Variants in SUGP2 observed in about 807,000 individuals in gnomAD.
SUGP2 encodes SURP and G-patch domain-containing protein 2.
SUGP2 carries 24 observed loss-of-function variants against 90.5 expected under a neutral mutation model. The ratio of observed to expected loss-of-function variants is 0.27; its 90% CI spans 0.19 to 0.37. The LOEUF (loss-of-function observed/expected upper bound fraction) is 0.37, where lower values mean the gene tolerates loss of function less well. SUGP2 is among the 10% of genes least tolerant of loss of function. SUGP2 has a pLI of 1.00. For synonymous variants in SUGP2, 473 were observed against 513.4 expected (o/e 0.92, Z 1.06); for missense variants, 1,233 against 1,363.3 (o/e 0.90, Z 1.51).
chr19:19,002,520 T>TTTTTTTTTTGTTTG (rs2057882444), intron 7 of SUGP2, among the ~76,000 whole-genome samples: 1 of 142,330 alleles, frequency 7.0e-6, no homozygotes, highest in Non-Finnish European at 1.5e-5. Flanking sequence ...TTTTTTTTTT[T>TTTTTTTTTTGTTTG]TTTTTTTTTT....
At position 19,026,153 on chromosome 19, in the gene SUGP2, G is replaced by C. The variant is rs976773409; in HGVS notation, c.195C>G (p.Leu65=). The part of the protein sequence containing the change: ...DDVHSDGRYS[L]SGSVAHSRDA... ...CTCTAGAGTGAGCTACAGATCCACT[G>C]AGGGAGTATCTGCCATCGCTGTGGA... is the stretch of plus-strand genomic sequence containing the variant. Residue 65 remains leucine (L), a synonymous_variant, in exon 3 of 11, where the codon CTC becomes CTG. Transcript: ENST00000452918. The C allele has an allele frequency of 6.2e-7, 1 of 1,613,864 alleles. No individual in the cohort carries two copies. The highest frequency in any genetic ancestry group is 1.7e-5 in the Admixed American group (1 of 59,970).
chr19:19,008,780 C>T (rs1475159310), intron 5 of SUGP2, among the ~76,000 whole-genome samples: 1 of 152,242 alleles, frequency 6.6e-6, no homozygotes, highest in East Asian at 1.9e-4. Context: ...GGATGACAGG[C>T]ATGTGGCCCA....
At chr19:19,006,349 A>G (rs2058078697) in intron 6 of SUGP2, among the ~76,000 whole-genome samples, 1 of 152,190 alleles carries the variant, frequency 6.6e-6, no homozygotes, top group Non-Finnish European at 1.5e-5. Flanking sequence ...AGAAACACAA[A>G]GTCATCTTGG....
rs766576643 is a variant in SUGP2, at chr19:19,024,639, G to A, written c.1709C>T (p.Ala570Val). 1.2e-5 allele frequency: 19 copies of A among 1,613,924 alleles called. No individual in the cohort carries two copies. In the South Asian group the frequency reaches 1.6e-4, roughly 14 times the overall value. ...CTTACCATCACTCAGACTACTTGGA[G>A]CCTTGGCCTGAATTTCAGGTTTCGT... ...PPTKPEIQAK[A>V]PSSLSDAVPQ... The change falls in exon 3 of 11, where the codon GCT becomes GTT. Residue 570 changes from alanine to valine, a missense_variant. Physicochemically the swap from Ala to Val is moderately conservative, Grantham distance 64 (BLOSUM62 0). Coordinates refer to ENST00000452918, the MANE Select transcript of SUGP2 (RefSeq NM_001017392.5).
chr19:19,023,683 G>C (rs1313089864), intron 3 of SUGP2, among the ~76,000 whole-genome samples: 1 of 152,108 alleles, frequency 6.6e-6, no homozygotes, highest in East Asian at 1.9e-4. Flanking sequence ...TAGATCACTT[G>C]AGCTCAGGAG....
In SUGP2 at chr19:19,010,336, C is replaced by T. The variant is rs765833581; in HGVS notation, c.1857G>A (p.Leu619=). The T allele has an allele frequency of 1.2e-6, 2 of 1,607,562 alleles. No homozygotes were observed. Among genetic ancestry groups the T allele is most frequent in the Admixed American group, 3.4e-5 (2 of 59,458 alleles). ...TATACTCCAGACTATTTTCATCAGACAAAAACCTAGATAACAAAACAAGCA... is the reference window on the plus strand; with the variant it reads ...TATACTCCAGACTATTTTCATCAGATAAAAACCTAGATAACAAAACAAGCA... ...LLKEDPAYWF[L]SDENSLEYKY... Residue 619 remains leucine, a synonymous_variant, in exon 5 of 11, where the codon TTG becomes TTA. Coordinates refer to ENST00000452918, the MANE Select transcript of SUGP2 (RefSeq NM_001017392.5).
At chr19:18,998,721 G>A (rs569968669) in intron 8 of SUGP2, among the ~76,000 whole-genome samples, 90 of 152,238 alleles carry the variant, frequency 5.9e-4, no homozygotes, top group African/African-American at 2.0e-3. Context: ...TTGGTGAGGC[G>A]GTGTGGGCAG....
At chr19:19,007,755 CTTTTTTTTTTTTT>C (rs34670209) in intron 6 of SUGP2, among the ~76,000 whole-genome samples, 1 of 113,434 alleles carries the variant, frequency 8.8e-6, no homozygotes, top group Non-Finnish European at 1.8e-5. Flanking sequence ...TGCACCTAGC[CTTTTTTTTTTTTT>C]TTTTTTTTGG....
chr19:19,028,092 A>ATGAAAGGCCAAGTGGT (rs2059004764), intron 2 of SUGP2, among the ~76,000 whole-genome samples: 1 of 152,166 alleles, frequency 6.6e-6, no homozygotes, highest in African/African-American at 2.4e-5. Flanking sequence ...AACACAGGGA[A>ATGAAAGGCCAAGTGGT]TGAAAGGCCA....
chr19:19,010,492 A>G (rs1298955363), intron 4 of SUGP2, 150 bp from the exon 5 acceptor site: 5 of 1,098,780 alleles, frequency 4.6e-6, no homozygotes, highest in Non-Finnish European at 3.9e-6. Flanking sequence ...GAGGACCCAG[A>G]GCTAGGCCCA....
At position 19,000,527 on chromosome 19, in the gene SUGP2, C is replaced by G. The variant is rs568825426; in HGVS notation, c.2991+1086G>C. ...CAGATTAGTGAACTCTCTTCACCAC[C>G]CTTCCAGTCTACTAAGCTTGTAAGT... On this transcript the variant is annotated intron_variant, in intron 8 of 10. Transcript: ENST00000452918. Among the ~76,000 whole-genome samples, 7 of 152,252 alleles carry G rather than the reference C, an allele frequency of 4.6e-5. No individual in the cohort carries two copies. In the East Asian group the frequency reaches 9.7e-4, roughly 21 times the overall value.
rs757428821 is a variant in SUGP2 at position 19,009,926 on chromosome 19, G to A, written c.2267C>T (p.Pro756Leu). The A allele has an allele frequency of 1.2e-6, 2 of 1,614,190 alleles. No individual in the cohort carries two copies. Among genetic ancestry groups the A allele is most frequent in the Non-Finnish European group, 1.7e-6 (2 of 1,180,032 alleles). Reference sequence around the variant, plus strand: ...GTCCACTCCTGCTGGCTTGGGGGATGGGCCTGAGGCTTCTAAGCTGGGGTC... The same window carrying A: ...GTCCACTCCTGCTGGCTTGGGGGATAGGCCTGAGGCTTCTAAGCTGGGGTC... ...PQDPSLEASG[P>L]SPKPAGVDIS... The change falls in exon 5 of 11, where the codon CCA becomes CTA. Residue 756 changes from proline (P) to leucine (L), a missense_variant. Around this residue, in one of 8 missense-constraint regions of SUGP2, gnomAD observed 540 missense variants for 542.6 expected, o/e 1.00. Coordinates refer to ENST00000452918, the MANE Select transcript of SUGP2 (RefSeq NM_001017392.5).
chr19:19,014,000 T>C (rs1054764062), intron 4 of SUGP2, among the ~76,000 whole-genome samples: 6 of 152,160 alleles, frequency 3.9e-5, no homozygotes, highest in Non-Finnish European at 5.9e-5. Flanking sequence ...GATTGATTCA[T>C]TGATTGATTT....
In SUGP2 at chr19:19,001,620, T is replaced by C. The variant is rs765632880; in HGVS notation, c.2984A>G (p.Lys995Arg). The part of the protein sequence containing the change: ...YDRPRGRPMS[K>R]KKKPKDLDFA... Reference sequence around the variant, plus strand: ...ACCAATGATTACGCTCACCTTCTTTTTGGACATGGGACGACCCCGAGGCCT... The same window carrying C: ...ACCAATGATTACGCTCACCTTCTTTCTGGACATGGGACGACCCCGAGGCCT... Residue 995 changes from lysine (K) to arginine (R), a missense_variant, in exon 8 of 11, where the codon AAA becomes AGA. By Grantham distance (26) the Lys-to-Arg change is conservative (BLOSUM62 2). Around this residue, in one of 8 missense-constraint regions of SUGP2, gnomAD observed 105 missense variants for 155.2 expected, o/e 0.68. Transcript: ENST00000452918. 7 of 1,614,228 alleles carry C rather than the reference T, an allele frequency of 4.3e-6. No homozygotes were observed. The highest frequency in any genetic ancestry group is 5.9e-6 in the Non-Finnish European group (7 of 1,180,032).
Position 18,994,482 on chromosome 19 carries a change from T to A in SUGP2, c.3133A>T (p.Thr1045Ser). Residue 1045 changes from threonine (T) to serine (S), a missense_variant, in exon 10 of 11, where the codon ACC becomes TCC. By Grantham distance (58) the Thr-to-Ser change is moderately conservative. Transcript: ENST00000452918. ...CCCAACCCTTCCCCTTCCGAGGGGG[T>A]TCCCCTAGGGAGTGAAAAAGAGAGT... is the stretch of plus-strand genomic sequence containing the variant. ...KGIREPVSVG[T>S]PSEGEGLGAD... 1.2e-6 allele frequency: 2 copies of A among 1,613,680 alleles called. No individual in the cohort carries two copies. The highest frequency in any genetic ancestry group is 1.1e-5 in the South Asian group (1 of 91,056).
rs763236239 is a variant in SUGP2 at position 19,010,018 on chromosome 19, T to C, written c.2175A>G (p.Pro725=). Residue 725 remains proline (P), a synonymous_variant, in exon 5 of 11, where the codon CCA becomes CCG. Coordinates refer to ENST00000452918, the MANE Select transcript of SUGP2 (RefSeq NM_001017392.5). The part of the protein sequence containing the change: ...RQAPGLSQAK[P]SLPDRNDAAK... ...CAGCATCATTTCTGTCTGGCAGGGA[T>C]GGTTTTGCCTGTGAGAGGCCTGGAG... 1.2e-6 allele frequency: 2 copies of C among 1,613,894 alleles called. No individual in the cohort carries two copies. The highest frequency in any genetic ancestry group is 1.7e-6 in the Non-Finnish European group (2 of 1,180,004).
chr19:19,016,900 G>C (rs1481259872), intron 4 of SUGP2, among the ~76,000 whole-genome samples: 1 of 152,192 alleles, frequency 6.6e-6, no homozygotes, highest in African/African-American at 2.4e-5. Context: ...TAAGTTACAT[G>C]CCTACCTCAT....
At chr19:18,994,740 G>A (rs2057504416) in intron 9 of SUGP2, 5 of 553,604 alleles carry the variant, frequency 9.0e-6, no homozygotes, top group African/African-American at 5.6e-5. Flanking sequence ...ACTAAGCTCA[G>A]TATTAAATGA....
At chr19:19,012,235 A>C (rs1459778404) in intron 4 of SUGP2, among the ~76,000 whole-genome samples, 1 of 152,218 alleles carries the variant, frequency 6.6e-6, no homozygotes, top group Non-Finnish European at 1.5e-5. Flanking sequence ...ATCATGCCCT[A>C]ATAAGCAATA....
Sources: allele counts gnomAD v4.1 joint callset (sites outside exome capture counted in the v4.1 genomes callset), GRCh38; gene constraint gnomAD v4.1.1; regional missense constraint gnomAD v4.1.1; transcripts MANE v1.5; gene names NCBI Gene and HGNC (gene_info 2026-07-23, HGNC 2026-07-21).